The following ABLIM1 variants were observed in gnomAD, a reference collection of about 807,000 sequenced individuals.
ABLIM1 encodes the protein actin binding LIM protein 1.
ABLIM1 carries 40 observed loss-of-function variants against 107.0 expected under a neutral mutation model. That is an observed-to-expected ratio of 0.37 (90% CI 0.29 to 0.49). ABLIM1 has a LOEUF of 0.49. Among genes scored for constraint, ABLIM1 ranks in the 20% least tolerant of loss-of-function variants. The pLI is 0.97. For synonymous variants in ABLIM1, 357 were observed against 357.3 expected, an observed-to-expected ratio of 1.00 and a Z score of 0.01; for missense variants, 857 against 1,008.5, an observed-to-expected ratio of 0.85 and a Z score of 2.04.
At chr10:114,696,574 T>C (rs1258187223) in intron 1 of ABLIM1, among the ~76,000 whole-genome samples, 4 of 152,232 alleles carry the variant, frequency 2.6e-5, no homozygotes, top group African/African-American at 9.6e-5. Context: ...ATGGGGCAGT[T>C]TCCCCCATAC....
chr10:114,626,445 G>A (rs988780371), intron 1 of ABLIM1, among the ~76,000 whole-genome samples: 5 of 152,150 alleles, frequency 3.3e-5, no homozygotes, highest in African/African-American at 1.2e-4. Flanking sequence ...AAATCTCAGA[G>A]TCTGCCTAAG....
chr10:114,632,661 C>A, intron 1 of ABLIM1: 1 of 985,400 alleles, frequency 1.0e-6, no homozygotes, highest in East Asian at 1.1e-4. Flanking sequence ...TTTCAGGATT[C>A]TATTCCTTAT....
intron 6 of ABLIM1, among the ~76,000 whole-genome samples, chr10:114,497,391 C>T (rs2135409520): frequency 6.6e-6 from 1 of 152,298 alleles, no homozygotes; most frequent in South Asian, 2.1e-4. Flanking sequence ...ATCACGTCCC[C>T]ATTTCTGGCC....
chr10:114,581,523 A>G (rs2073372807), intron 2 of ABLIM1, among the ~76,000 whole-genome samples: 1 of 152,346 alleles, frequency 6.6e-6, no homozygotes, highest in South Asian at 2.1e-4. Flanking sequence ...TAGACTGAAC[A>G]TCTCTTTCTT....
intron 1 of ABLIM1, among the ~76,000 whole-genome samples, chr10:114,713,851 T>C (rs961444983): frequency 5.9e-5 from 9 of 152,260 alleles, no homozygotes; most frequent in African/African-American, 2.2e-4. Context: ...ACATCGTGCC[T>C]CCTCACTCAA....
At chr10:114,750,517 T>A (rs2082488091) in intron 1 of ABLIM1, among the ~76,000 whole-genome samples, 1 of 152,230 alleles carries the variant, frequency 6.6e-6, no homozygotes, top group Admixed American at 6.5e-5. Context: ...GGATAGAATA[T>A]ATCCTTTCTG....
At chr10:114,472,060 C>T (rs1017714247) in intron 10 of ABLIM1, among the ~76,000 whole-genome samples, 1 of 151,816 alleles carries the variant, frequency 6.6e-6, no homozygotes, top group Non-Finnish European at 1.5e-5. Flanking sequence ...GGTCTGCAGG[C>T]CGAGTATTAA....
Position 114,491,777 on chromosome 10 carries a change from T to C in ABLIM1, c.982+14A>G. ...CAGCAAGGAAAACTTCTAGTGTTCTTGAGTCCACCTCACCTTGAAGATACA... is the reference window on the plus strand; with the variant it reads ...CAGCAAGGAAAACTTCTAGTGTTCTCGAGTCCACCTCACCTTGAAGATACA... On this transcript the variant is annotated intron_variant, in intron 7 of 22. Transcript: ENST00000533213. 6.2e-7 allele frequency: 1 copy of C among 1,602,724 alleles called. No homozygotes were observed. Among genetic ancestry groups the C allele is most frequent in the Non-Finnish European group, 8.5e-7 (1 of 1,170,912 alleles).
intron 16 of ABLIM1, 77 bp downstream of exon 16, chr10:114,445,235 A>T: frequency 7.5e-7 from 1 of 1,329,870 alleles, no homozygotes; most frequent in Non-Finnish European, 1.1e-6. Flanking sequence ...GATGGTTTAT[A>T]CATAGTAGTC....
rs564403656 is a variant in ABLIM1 at position 114,517,499 on chromosome 10, A to G, written c.895-25621T>C. On this transcript the variant is annotated intron_variant, in intron 6 of 22. Transcript: ENST00000533213. ...CTTTGATTTCAAACTTCAGGCCTCCAGAAATGTGACAGAATACATTTCTGT... is the reference window on the plus strand; with the variant it reads ...CTTTGATTTCAAACTTCAGGCCTCCGGAAATGTGACAGAATACATTTCTGT... Among the ~76,000 whole-genome samples the G allele has an allele frequency of 3.9e-5, 6 of 152,264 alleles. No individual in the cohort carries two copies. In the East Asian group the frequency reaches 1.2e-3, roughly 29 times the overall value.
chr10:114,697,908 A>G (rs1243744338), intron 1 of ABLIM1, among the ~76,000 whole-genome samples: 1 of 152,192 alleles, frequency 6.6e-6, no homozygotes, highest in East Asian at 1.9e-4. Flanking sequence ...TCAATATATT[A>G]TTGAATATAC....
chr10:114,721,940 A>G (rs1156820061), intron 1 of ABLIM1, among the ~76,000 whole-genome samples: 1 of 152,142 alleles, frequency 6.6e-6, no homozygotes, highest in Non-Finnish European at 1.5e-5. Flanking sequence ...CAGGAAAACA[A>G]ATTTTCTTCC....
At chr10:114,565,349 G>A (rs1288658792) in intron 4 of ABLIM1, among the ~76,000 whole-genome samples, 2 of 152,246 alleles carry the variant, frequency 1.3e-5, no homozygotes, top group African/African-American at 4.8e-5. Context: ...ATGACCAGCA[G>A]AGTGACAAAA....
At chr10:114,612,339 T>C (rs866037321) in intron 1 of ABLIM1, among the ~76,000 whole-genome samples, 1 of 152,346 alleles carries the variant, frequency 6.6e-6, no homozygotes, top group South Asian at 2.1e-4. Context: ...CACCATGGGA[T>C]AATGCAACAA....
intron 1 of ABLIM1, among the ~76,000 whole-genome samples, chr10:114,640,742 T>C (rs561295282): frequency 6.6e-6 from 1 of 152,316 alleles, no homozygotes; most frequent in African/African-American, 2.4e-5. Context: ...AAGGTAAAAT[T>C]CACATTAATA....
intron 1 of ABLIM1, chr10:114,690,583 T>C: frequency 1.0e-6 from 1 of 953,134 alleles, no homozygotes; most frequent in South Asian, 1.3e-5. Context: ...TCAAAGGAGA[T>C]GCAGCCCAAG....
At chr10:114,576,132 C>A (rs1055380590) in intron 2 of ABLIM1, among the ~76,000 whole-genome samples, 2 of 152,024 alleles carry the variant, frequency 1.3e-5, no homozygotes, top group African/African-American at 2.4e-5. Flanking sequence ...ATAGAATAAG[C>A]CAATTATTTA....
intron 8 of ABLIM1, among the ~76,000 whole-genome samples, chr10:114,483,527 T>C (rs972134585): frequency 2.6e-5 from 4 of 152,186 alleles, no homozygotes; most frequent in African/African-American, 7.2e-5. Context: ...TCTGCCCACA[T>C]TGGCCTCCCG....
rs183595901 is a variant in ABLIM1, at chr10:114,631,777, G to A, written c.244+26180C>T. 814 of 1,001,070 alleles carry A rather than the reference G, an allele frequency of 8.1e-4. 5 individuals carry two copies. In the African/African-American group the frequency reaches 0.013, roughly 16 times the overall value. The allele number at this position is 1,001,070 out of a possible 1,614,324, so 62.0% of individuals were successfully genotyped here. ...GATGGAAACCCAGACTTCACAATAC[G>A]GAGCTTCTCACACCGAGAACATGTC... is the stretch of plus-strand genomic sequence containing the variant. On this transcript the variant is annotated intron_variant, in intron 1 of 22. Coordinates refer to ENST00000533213, the MANE Select transcript of ABLIM1 (RefSeq NM_002313.7).
Sources: allele counts gnomAD v4.1 joint callset (sites outside exome capture counted in the v4.1 genomes callset), GRCh38; gene constraint gnomAD v4.1.1; transcripts MANE v1.5; gene names NCBI Gene and HGNC (gene_info 2026-07-23, HGNC 2026-07-21).